Variants in CORO1B observed in about 807,000 individuals in gnomAD.
The protein encoded by CORO1B is coronin-1B.
CORO1B carries 30 observed loss-of-function variants against 51.1 expected under a neutral mutation model. That is an observed-to-expected ratio of 0.59 (90% CI 0.44 to 0.80). The LOEUF is 0.80. Among genes scored for constraint, CORO1B ranks in the 30% least tolerant of loss-of-function variants. The probability of loss-of-function intolerance (pLI) is 0.00; values close to 1 mark genes in which losing one functional copy is unlikely to be tolerated. For synonymous variants in CORO1B, 310 were observed against 289.7 expected (o/e 1.07, Z -0.71); for missense variants, 648 against 700.4 (o/e 0.93, Z 0.84).
At chr11:67,438,555 T>C (rs540695010) in intron 10 of CORO1B, 54 bp from the exon 11 acceptor site, 10 of 1,570,880 alleles carry the variant, frequency 6.4e-6, no homozygotes, top group Admixed American at 1.7e-5. Flanking sequence ...TGCTAAGCCA[T>C]AGCCCTCCCA....
At position 67,438,244 on chromosome 11, in the gene CORO1B, G is replaced by A; in HGVS notation, c.*132C>T. 8.6e-7 allele frequency: 1 copy of A among 1,159,958 alleles called. No individual in the cohort carries two copies. Among genetic ancestry groups the A allele is most frequent in the Non-Finnish European group, 1.2e-6 (1 of 832,220 alleles). 71.9% of individuals were successfully genotyped at this position (1,159,958 alleles called of 1,614,324 possible). A position where few individuals can be genotyped will look rare whatever the true frequency, so the allele number is the denominator to read the frequency against. On this transcript the variant is annotated 3_prime_UTR_variant, in exon 11 of 11. Coordinates refer to ENST00000341356, the MANE Select transcript of CORO1B (RefSeq NM_020441.3). Reference sequence around the variant, plus strand: ...CTGGCTTCGGCCTGGGCCTGGGACGGGTGGGGGTGGGAACTGACCCCTGCG... The same window carrying A: ...CTGGCTTCGGCCTGGGCCTGGGACGAGTGGGGGTGGGAACTGACCCCTGCG...
Position 67,442,559 on chromosome 11 carries a change from G to T in CORO1B, c.70C>A (p.Gln24Lys). 1 of 1,613,834 alleles carries T rather than the reference G, an allele frequency of 6.2e-7. No individual in the cohort carries two copies. Among genetic ancestry groups the T allele is most frequent in the Non-Finnish European group, 8.5e-7 (1 of 1,180,012 alleles). Reference protein sequence around the residue: ...HVFGQPVKNDQCYEDIRVSRV... With the variant: ...HVFGQPVKNDKCYEDIRVSRV... ...GACACGCGAATGTCCTCATAGCACT[G>T]GTCGTTCTTGACCGGCTGCCCGAAC... The change falls in exon 2 of 11, where the codon CAG becomes AAG. Residue 24 changes from glutamine to lysine, a missense_variant. Physicochemically the swap from Gln to Lys is moderately conservative, Grantham distance 53. Coordinates refer to ENST00000341356, the MANE Select transcript of CORO1B (RefSeq NM_020441.3).
At position 67,442,586 on chromosome 11, in the gene CORO1B, C is replaced by CATGCCGGAATTTGCT; in HGVS notation, c.28_42dup (p.Ser10_His14dup). 1 of 1,613,794 alleles carries CATGCCGGAATTTGCT rather than the reference C, an allele frequency of 6.2e-7. No homozygotes were observed. Among genetic ancestry groups the CATGCCGGAATTTGCT allele is most frequent in the Non-Finnish European group, 8.5e-7 (1 of 1,180,020 alleles). The stretch of plus-strand genomic sequence containing the variant: ...TCGTTCTTGACCGGCTGCCCGAACA[C>CATGCCGGAATTTGCT]ATGCCGGAATTTGCTCTGCCGGACC... On this transcript the variant is annotated inframe_insertion, in exon 2 of 11. Transcript: ENST00000341356.
chr11:67,437,216 G>T lies in CORO1B; in HGVS notation c.*1160C>A, dbSNP rs1236397363. ...AGGGCCGGGGGCTGGGGGGGGCTGGGGGAGGCGGGCGCAGCTGCCAGAGGA... is the reference window on the plus strand; with the variant it reads ...AGGGCCGGGGGCTGGGGGGGGCTGGTGGAGGCGGGCGCAGCTGCCAGAGGA... On this transcript the variant is annotated 3_prime_UTR_variant, in exon 11 of 11. Coordinates refer to ENST00000341356, the MANE Select transcript of CORO1B (RefSeq NM_020441.3). The T allele has an allele frequency of 1.7e-5, 3 of 178,928 alleles. No homozygotes were observed. The highest frequency in any genetic ancestry group is 2.3e-5 in the African/African-American group (1 of 42,598). 11.1% of individuals were successfully genotyped at this position (178,928 alleles called of 1,614,324 possible). A position where few individuals can be genotyped will look rare whatever the true frequency, so the allele number is the denominator to read the frequency against.
chr11:67,438,457 CAG>C lies in CORO1B; in HGVS notation c.1387_1388del (p.Leu463GlufsTer54), dbSNP rs1681196581. On this transcript the variant is annotated frameshift_variant, in exon 11 of 11. Transcript: ENST00000341356. LOFTEE classifies it high-confidence loss of function. The part of the protein sequence containing the change: ...LEEVMQELRA[L>X]RALVKEQGDR... ...CGCCCTGCTCCTTGACCAGCGCCCT[CAG>C]GGCCCGCAGCTCCTGCATCACCTCC... The C allele has an allele frequency of 6.2e-7, 1 of 1,610,968 alleles. No individual in the cohort carries two copies.
upstream of CORO1B, chr11:67,443,511 AGCGGGGGCGGGGCAGGGGCTC>A (rs547690682): frequency 2.8e-3 from 2,684 of 956,228 alleles, 6 homozygotes; most frequent in South Asian, 3.7e-3. Flanking sequence ...AGGGACCCGG[AGCGGGGGCGGGGCAGGGGCTC>A]GCGGGGGCGG....
At chr11:67,442,651 G>A in intron 1 of CORO1B, 21 bp from the exon 2 acceptor site, 4 of 1,609,812 alleles carry the variant, frequency 2.5e-6, no homozygotes, top group East Asian at 2.2e-5. Context: ...GAGAGGCCTG[G>A]GTCAGTCCGG....
intron 10 of CORO1B, 27 bp from the exon 11 acceptor site, chr11:67,438,528 G>C (rs1217578464): frequency 8.8e-6 from 14 of 1,592,416 alleles, no homozygotes; most frequent in Non-Finnish European, 1.2e-5. Flanking sequence ...CAGGGGTAGG[G>C]GGCGGTGGTC....
At position 67,442,550 on chromosome 11, in the gene CORO1B, CAT is replaced by C; in HGVS notation, c.77_78del (p.Tyr26Ter). On this transcript the variant is annotated frameshift_variant, in exon 2 of 11. Transcript: ENST00000341356. LOFTEE classifies it high-confidence loss of function. ...GTAACACGGGACACGCGAATGTCCT[CAT>C]AGCACTGGTCGTTCTTGACCGGCTG... is the stretch of plus-strand genomic sequence containing the variant. ...FGQPVKNDQC[Y>X]EDIRVSRVTW... is the part of the protein sequence containing the mutation. 1 of 1,613,842 alleles carries C rather than the reference CAT, an allele frequency of 6.2e-7. No individual in the cohort carries two copies. Among genetic ancestry groups the C allele is most frequent in the South Asian group, 1.1e-5 (1 of 91,090 alleles).
rs1056137793 is a variant in CORO1B, at chr11:67,435,913, A to T, written c.*2463T>A. On this transcript the variant is annotated 3_prime_UTR_variant, in exon 11 of 11. Coordinates refer to ENST00000341356, the MANE Select transcript of CORO1B (RefSeq NM_020441.3). ...CCGTGTCACTGTCTCTGGCTTCCTCAGCCCGCACGGGGACCTGCTCTGGGC... is the reference window on the plus strand; with the variant it reads ...CCGTGTCACTGTCTCTGGCTTCCTCTGCCCGCACGGGGACCTGCTCTGGGC... 1.2e-5 allele frequency: 19 copies of T among 1,612,652 alleles called. No individual in the cohort carries two copies. The highest frequency in any genetic ancestry group is 1.1e-4 in the African/African-American group (8 of 74,890).
chr11:67,440,658 C>A, intron 6 of CORO1B: 1 of 687,356 alleles, frequency 1.5e-6, no homozygotes, highest in Non-Finnish European at 2.7e-6. Flanking sequence ...CTCCTCCAGG[C>A]CTTAAGACTA....
In CORO1B at chr11:67,437,567, C is replaced by A; in HGVS notation, c.*809G>T. On this transcript the variant is annotated 3_prime_UTR_variant, in exon 11 of 11. Coordinates refer to ENST00000341356, the MANE Select transcript of CORO1B (RefSeq NM_020441.3). ...TCCACAGGCCCAGACATTCTAGCCCCGACCGCCTGTGGCCCCCATCCCAAG... is the reference window on the plus strand; with the variant it reads ...TCCACAGGCCCAGACATTCTAGCCCAGACCGCCTGTGGCCCCCATCCCAAG... 1 of 1,338,756 alleles carries A rather than the reference C, an allele frequency of 7.5e-7. No homozygotes were observed. Among genetic ancestry groups the A allele is most frequent in the Non-Finnish European group, 9.7e-7 (1 of 1,035,284 alleles). The allele number at this position is 1,338,756 out of a possible 1,614,324, so 82.9% of individuals were successfully genotyped here.
Position 67,435,941 on chromosome 11 carries a change from G to A in CORO1B, c.*2435C>T, listed in dbSNP as rs749660566. The stretch of plus-strand genomic sequence containing the variant: ...CCGCACGGGGACCTGCTCTGGGCTG[G>A]ACGCCTCTCCACATTGCTGCTCGCC... On this transcript the variant is annotated 3_prime_UTR_variant, in exon 11 of 11. Coordinates refer to ENST00000341356, the MANE Select transcript of CORO1B (RefSeq NM_020441.3). 112 of 1,613,338 alleles carry A rather than the reference G, an allele frequency of 6.9e-5. No individual in the cohort carries two copies. The highest frequency in any genetic ancestry group is 9.3e-5 in the Non-Finnish European group (110 of 1,179,888).
In CORO1B at chr11:67,438,917, G is replaced by T; in HGVS notation, c.1098C>A (p.Asp366Glu). The stretch of plus-strand genomic sequence containing the variant: ...CCAGGGCTGCCTCGGGCCCGGCTGT[G>T]TCGGGGTACAGATCATCCTGGAAGA... ...SDLFQDDLYP[D>E]TAGPEAALEA... The change falls in exon 10 of 11, where the codon GAC becomes GAA. Residue 366 changes from aspartate to glutamate, a missense_variant. Physicochemically the swap from Asp to Glu is conservative, Grantham distance 45 (BLOSUM62 2). Coordinates refer to ENST00000341356, the MANE Select transcript of CORO1B (RefSeq NM_020441.3). 6.2e-7 allele frequency: 1 copy of T among 1,609,276 alleles called. No individual in the cohort carries two copies.
intron 3 of CORO1B, 43 bp from the exon 4 acceptor site, chr11:67,441,905 C>G: frequency 1.2e-6 from 2 of 1,613,120 alleles, no homozygotes; most frequent in Non-Finnish European, 1.7e-6. Flanking sequence ...CTCTGCTGGT[C>G]CTATTGCTGG....
At chr11:67,438,589 G>T in intron 10 of CORO1B, 82 bp downstream of exon 10, 2 of 1,541,338 alleles carry the variant, frequency 1.3e-6, no homozygotes, top group Non-Finnish European at 8.8e-7. Context: ...CCCAGAGAGG[G>T]ACAGCGAATG....
intron 6 of CORO1B, chr11:67,440,865 G>A: frequency 4.6e-6 from 3 of 656,156 alleles, no homozygotes; most frequent in East Asian, 2.8e-5. Flanking sequence ...GTACAGGCAA[G>A]CAAGGGAGAG....
chr11:67,443,579 T>A (rs1182710227), upstream of CORO1B: 1 of 704,142 alleles, frequency 1.4e-6, no homozygotes, highest in Admixed American at 6.3e-5. Flanking sequence ...GGCGGGAGGC[T>A]GAGCGGCGCC....
rs1864373321 is a variant in CORO1B at position 67,440,445 on chromosome 11, A to G, written c.757-6T>C. The G allele has an allele frequency of 6.2e-7, 1 of 1,613,280 alleles. No individual in the cohort carries two copies. The highest frequency in any genetic ancestry group is 1.7e-5 in the Admixed American group (1 of 59,982). On this transcript the variant is annotated splice_polypyrimidine_tract_variant and splice_region_variant and intron_variant, in intron 6 of 10. Transcript: ENST00000341356. ...ATGGGTTCCTCGAGGTTTTCCTGGC[A>G]CATTGCAGGCAGTCAGGCCAAGCAG...
Sources: allele counts gnomAD v4.1 joint callset, GRCh38; gene constraint gnomAD v4.1.1; transcripts MANE v1.5; gene names NCBI Gene and HGNC (gene_info 2026-07-23, HGNC 2026-07-21).